BDH2: variants seen among roughly 807,000 people sequenced by gnomAD.
BDH2 encodes 3-hydroxybutyrate dehydrogenase 2.
A neutral mutation model predicts 33.2 loss-of-function variants in BDH2; 24 were observed. The ratio of observed to expected loss-of-function variants is 0.72; its 90% CI spans 0.52 to 1.02. The LOEUF (loss-of-function observed/expected upper bound fraction) is 1.02, where lower values mean the gene tolerates loss of function less well. BDH2 is among the 50% of genes least tolerant of loss of function. The probability of loss-of-function intolerance (pLI) is 0.00; values close to 1 mark genes in which losing one functional copy is unlikely to be tolerated. For synonymous variants in BDH2, 81 were observed against 101.6 expected, an observed-to-expected ratio of 0.80 and a Z score of 1.22; for missense variants, 249 against 301.6, an observed-to-expected ratio of 0.83 and a Z score of 1.29.
intron 5 of BDH2, among the ~76,000 whole-genome samples, chr4:103,087,068 T>G (rs1311388816): frequency 6.6e-6 from 1 of 152,096 alleles, no homozygotes; most frequent in Non-Finnish European, 1.5e-5. Flanking sequence ...CAATTCAGGC[T>G]GGGCGACACT....
intron 1 of BDH2, among the ~76,000 whole-genome samples, chr4:103,098,158 G>A (rs770367043): frequency 6.6e-6 from 1 of 152,180 alleles, no homozygotes; most frequent in Non-Finnish European, 1.5e-5. Flanking sequence ...TTAGGAGGCT[G>A]CTAGGGTTAT....
chr4:103,081,639 C>T (rs1747531242), intron 9 of BDH2, among the ~76,000 whole-genome samples: 1 of 152,178 alleles, frequency 6.6e-6, no homozygotes, highest in Admixed American at 6.5e-5. Context: ...TGGAATTCTC[C>T]CAAACAAGTC....
chr4:103,096,211 G>A lies in BDH2; in HGVS notation c.44C>T (p.Ala15Val). ...DGKVIILTAAAQGIGQAAALA... is the reference protein window; with the variant it reads ...DGKVIILTAAVQGIGQAAALA... The stretch of plus-strand genomic sequence containing the variant: ...GGCAGCTGCTTGGCCAATCCCCTGA[G>A]CAGCGGCCGTCAGGATGATGACTTT... Residue 15 changes from alanine to valine, a missense_variant, in exon 2 of 10, where the codon GCT becomes GTT. By Grantham distance (64) the Ala-to-Val change is moderately conservative. Transcript: ENST00000296424. 6.2e-7 allele frequency: 1 copy of A among 1,613,822 alleles called. No homozygotes were observed. The highest frequency in any genetic ancestry group is 1.1e-5 in the South Asian group (1 of 91,034).
intron 1 of BDH2, chr4:103,099,293 C>T (rs537578810): frequency 1.3e-5 from 2 of 152,276 alleles, no homozygotes; most frequent in South Asian, 2.1e-4. Flanking sequence ...TCTTAGCTGG[C>T]CTTCCTGTCT....
rs776386641 is a variant in BDH2, at chr4:103,092,736, T to C, written c.152-40A>G. Reference sequence around the variant, plus strand: ...AAGAGGCACTATTCCTAAAAATGTTTAGCCTTGAAGGTTTAGCTGTTTTGA... The same window carrying C: ...AAGAGGCACTATTCCTAAAAATGTTCAGCCTTGAAGGTTTAGCTGTTTTGA... On this transcript the variant is annotated intron_variant, in intron 3 of 9. Transcript: ENST00000296424. The C allele has an allele frequency of 2.1e-6, 3 of 1,443,810 alleles. No individual in the cohort carries two copies. The African/African-American group carries it at 4.2e-5, about 20-fold the overall frequency. 89.4% of individuals were successfully genotyped at this position (1,443,810 alleles called of 1,614,324 possible).
At position 103,086,654 on chromosome 4, in the gene BDH2, A is replaced by G. The variant is rs1053844363; in HGVS notation, c.358-114T>C. On this transcript the variant is annotated intron_variant, in intron 5 of 9. Transcript: ENST00000296424. Reference sequence around the variant, plus strand: ...TTTGCAGAATGAATTTAATTACTGTATTAGCTAGTCACATTAAGCACTATT... The same window carrying G: ...TTTGCAGAATGAATTTAATTACTGTGTTAGCTAGTCACATTAAGCACTATT... 30 of 1,316,574 alleles carry G rather than the reference A, an allele frequency of 2.3e-5. No individual in the cohort carries two copies. The African/African-American group carries it at 4.0e-4, about 18-fold the overall frequency. 81.6% of individuals were successfully genotyped at this position (1,316,574 alleles called of 1,614,324 possible). A position where few individuals can be genotyped will look rare whatever the true frequency, so the allele number is the denominator to read the frequency against.
In BDH2 at chr4:103,079,465, T is replaced by G. The variant is rs1747405972; in HGVS notation, c.*237A>C. ...ACAAATCGAGATTTATTTTAAAAACTATTCTCCTGCTATGAGTTCAATATT... is the reference window on the plus strand; with the variant it reads ...ACAAATCGAGATTTATTTTAAAAACGATTCTCCTGCTATGAGTTCAATATT... On this transcript the variant is annotated 3_prime_UTR_variant, in exon 10 of 10. Coordinates refer to ENST00000296424, the MANE Select transcript of BDH2 (RefSeq NM_020139.4). The G allele has an allele frequency of 2.1e-6, 1 of 487,664 alleles. No homozygotes were observed. The highest frequency in any genetic ancestry group is 3.6e-6 in the Non-Finnish European group (1 of 274,234). 30.2% of individuals were successfully genotyped at this position (487,664 alleles called of 1,614,324 possible).
At chr4:103,095,098 C>T in intron 3 of BDH2, 105 bp downstream of exon 3, 1 of 799,620 alleles carries the variant, frequency 1.3e-6, no homozygotes, top group Non-Finnish European at 2.1e-6. Flanking sequence ...AAAAGCACGG[C>T]AGTGGAGCTC....
Position 103,079,793 on chromosome 4 carries a change from A to G in BDH2, c.685-38T>C, listed in dbSNP as rs1578496687. 4 of 1,589,528 alleles carry G rather than the reference A, an allele frequency of 2.5e-6. No individual in the cohort carries two copies. The East Asian group carries it at 8.9e-5, about 36-fold the overall frequency. ...ACACAAGGAGACAGAACAATTAACCAGGTTTGATACAGGCTGTATTTTGAA... is the reference window on the plus strand; with the variant it reads ...ACACAAGGAGACAGAACAATTAACCGGGTTTGATACAGGCTGTATTTTGAA... On this transcript the variant is annotated intron_variant, in intron 9 of 9. Coordinates refer to ENST00000296424, the MANE Select transcript of BDH2 (RefSeq NM_020139.4).
intron 1 of BDH2, among the ~76,000 whole-genome samples, chr4:103,098,253 T>C (rs1453053213): frequency 6.6e-6 from 1 of 152,154 alleles, no homozygotes; most frequent in African/African-American, 2.4e-5. Flanking sequence ...GTTTCAGAGA[T>C]GAGATAGGTA....
At chr4:103,080,086 A>T (rs920162110) in intron 9 of BDH2, among the ~76,000 whole-genome samples, 1 of 152,248 alleles carries the variant, frequency 6.6e-6, no homozygotes, top group Non-Finnish European at 1.5e-5. Flanking sequence ...TTTCATTTTG[A>T]AACTCAGAAC....
Position 103,096,223 on chromosome 4 carries a change from A to G in BDH2, c.32T>C (p.Leu11Pro). The change falls in exon 2 of 10, where the codon CTG becomes CCG. Residue 11 changes from leucine to proline, a missense_variant. Leu to Pro is a moderately conservative substitution (Grantham distance 98). Coordinates refer to ENST00000296424, the MANE Select transcript of BDH2 (RefSeq NM_020139.4). ...GCCAATCCCCTGAGCAGCGGCCGTC[A>G]GGATGATGACTTTCCCATCAAGTCG... is the stretch of plus-strand genomic sequence containing the variant. Reference protein sequence around the residue: MGRLDGKVIILTAAAQGIGQA... With the variant: MGRLDGKVIIPTAAAQGIGQA... 6.2e-7 allele frequency: 1 copy of G among 1,613,990 alleles called. No homozygotes were observed. Among genetic ancestry groups the G allele is most frequent in the South Asian group, 1.1e-5 (1 of 91,052 alleles).
Position 103,096,517 on chromosome 4 carries a change from G to A in BDH2, c.-20-243C>T, listed in dbSNP as rs2125812948. Among the ~76,000 whole-genome samples the A allele has an allele frequency of 3.3e-5, 5 of 149,398 alleles. 1 individual carries two copies. The highest frequency in any genetic ancestry group is 4.3e-4 in the South Asian group (2 of 4,698). ...ATAACCCACTGAAGTAATGACTGGT[G>A]ACAGACATTGGCCATTTTTTTTTTT... On this transcript the variant is annotated intron_variant, in intron 1 of 9. Coordinates refer to ENST00000296424, the MANE Select transcript of BDH2 (RefSeq NM_020139.4).
At position 103,085,378 on chromosome 4, in the gene BDH2, T is replaced by G; in HGVS notation, c.503A>C (p.Gln168Pro). 1 of 1,611,606 alleles carries G rather than the reference T, an allele frequency of 6.2e-7. No individual in the cohort carries two copies. Among genetic ancestry groups the G allele is most frequent in the Non-Finnish European group, 8.5e-7 (1 of 1,179,560 alleles). The part of the protein sequence containing the change: ...TKSVAADFIQ[Q>P]GIRCNCVCPG... ...GCACACACAGTTGCACCTGATGCCC[T>G]GCTGGATGAAATCTGCAGCCACAGA... Residue 168 changes from glutamine to proline, a missense_variant, in exon 7 of 10, where the codon CAG (glutamine) becomes CCG (proline). Transcript: ENST00000296424.
At chr4:103,081,155 T>G (rs1747506494) in intron 9 of BDH2, among the ~76,000 whole-genome samples, 1 of 152,204 alleles carries the variant, frequency 6.6e-6, no homozygotes, top group South Asian at 2.1e-4. Context: ...GCTCTATACC[T>G]TATAAGCATC....
intron 5 of BDH2, among the ~76,000 whole-genome samples, chr4:103,087,572 A>G (rs2110703908): frequency 6.6e-6 from 1 of 152,274 alleles, no homozygotes; most frequent in East Asian, 1.9e-4. Context: ...CTTCTTCAGA[A>G]TTCCCCCACT....
intron 8 of BDH2, 90 bp downstream of exon 8, chr4:103,082,781 C>T: frequency 8.5e-7 from 1 of 1,181,154 alleles, no homozygotes; most frequent in Admixed American, 1.7e-5. Flanking sequence ...TACCATTTCA[C>T]TTTCTGTCTC....
chr4:103,098,737 G>A (rs1268172262), intron 1 of BDH2: 1 of 152,210 alleles, frequency 6.6e-6, no homozygotes, highest in Non-Finnish European at 1.5e-5. Flanking sequence ...GACTTGCATC[G>A]AGGTCTGATG....
chr4:103,093,212 T>C (rs1748198499), intron 3 of BDH2, among the ~76,000 whole-genome samples: 1 of 152,152 alleles, frequency 6.6e-6, no homozygotes, highest in Non-Finnish European at 1.5e-5. Context: ...GTAATCAGAA[T>C]TTTGTCTGAG....
Sources: gnomAD v4.1 joint callset for allele counts (sites outside exome capture counted in the v4.1 genomes callset) on GRCh38, gnomAD v4.1.1 for gene constraint, MANE v1.5 for transcripts, NCBI Gene and HGNC (gene_info 2026-07-23, HGNC 2026-07-21) for gene names.